TEAD1: variants seen among roughly 807,000 people sequenced by gnomAD.
TEAD1 encodes TEA domain transcription factor 1.
A neutral mutation model predicts 54.9 loss-of-function variants in TEAD1; 9 were observed. The ratio of observed to expected loss-of-function variants is 0.16; its 90% confidence interval spans 0.10 to 0.29. The LOEUF is 0.29. Ranked by LOEUF, TEAD1 falls within the 10% of genes least tolerant of loss-of-function variation. The pLI is 1.00. For synonymous variants in TEAD1, 200 were observed against 187.8 expected, an observed-to-expected ratio of 1.07 and a Z score of -0.53; for missense variants, 387 against 535.9, an observed-to-expected ratio of 0.72 and a Z score of 2.74.
chr11:12,684,491 C>T (rs1221261187), intron 2 of TEAD1, among the ~76,000 whole-genome samples: 1 of 152,172 alleles, frequency 6.6e-6, no homozygotes, highest in Non-Finnish European at 1.5e-5. Flanking sequence ...AAAACCATTG[C>T]ATAATCCCCC....
At chr11:12,724,885 C>A (rs777149899) in intron 2 of TEAD1, among the ~76,000 whole-genome samples, 1 of 152,186 alleles carries the variant, frequency 6.6e-6, no homozygotes, top group Non-Finnish European at 1.5e-5. Context: ...GTTCACCTGG[C>A]GAGGCCTGTG....
chr11:12,789,549 A>C (rs1285205595), intron 3 of TEAD1, among the ~76,000 whole-genome samples: 1 of 152,204 alleles, frequency 6.6e-6, no homozygotes, highest in Non-Finnish European at 1.5e-5. Context: ...GGAGCAGACA[A>C]GAAAGAGTTT....
intron 2 of TEAD1, among the ~76,000 whole-genome samples, chr11:12,748,242 G>A (rs1944791101): frequency 6.6e-6 from 1 of 152,202 alleles, no homozygotes; most frequent in African/African-American, 2.4e-5. Flanking sequence ...GATTACAGGC[G>A]TGAGCCGCTG....
At chr11:12,805,887 C>G (rs543671858) in intron 3 of TEAD1, among the ~76,000 whole-genome samples, 1 of 152,148 alleles carries the variant, frequency 6.6e-6, no homozygotes, top group South Asian at 2.1e-4. Flanking sequence ...TATGATGTTT[C>G]TTTTATTTTT....
intron 10 of TEAD1, among the ~76,000 whole-genome samples, chr11:12,923,813 A>G (rs1948858029): frequency 6.6e-6 from 1 of 152,170 alleles, no homozygotes; most frequent in African/African-American, 2.4e-5. Context: ...CAGAGGCTCA[A>G]CACCTAAACC....
intron 3 of TEAD1, among the ~76,000 whole-genome samples, chr11:12,781,579 T>C (rs748252496): frequency 6.6e-6 from 1 of 151,776 alleles, no homozygotes; most frequent in Non-Finnish European, 1.5e-5. Flanking sequence ...AACCATTAGC[T>C]AGCAGGGAAA....
At chr11:12,906,837 CT>C (rs781752322) in intron 10 of TEAD1, among the ~76,000 whole-genome samples, 4 of 152,238 alleles carry the variant, frequency 2.6e-5, no homozygotes, top group Non-Finnish European at 5.9e-5. Context: ...GAGGTGCATC[CT>C]TTTTATTGTA....
rs148927934 is a variant in TEAD1, at chr11:12,910,501, TAAAG to T, written c.873+8391_873+8394del. Among the ~76,000 whole-genome samples, 718 of 152,244 alleles carry T rather than the reference TAAAG, an allele frequency of 4.7e-3. 8 individuals carry two copies. Among genetic ancestry groups the T allele is most frequent in the African/African-American group, 0.016 (675 of 41,552 alleles). ...TAGTCTTAAACTTTGATTGGAATAATAAAGAAGAAAGCAATATGAAAGTGAAATC... is the reference window on the plus strand; with the variant it reads ...TAGTCTTAAACTTTGATTGGAATAATAAGAAAGCAATATGAAAGTGAAATC... On this transcript the variant is annotated intron_variant, in intron 10 of 12. Coordinates refer to ENST00000527636, the MANE Select transcript of TEAD1 (RefSeq NM_021961.6).
intron 9 of TEAD1, 59 bp from the exon 10 acceptor site, chr11:12,901,881 A>G (rs1948431712): frequency 1.2e-6 from 2 of 1,608,812 alleles, no homozygotes; most frequent in African/African-American, 1.3e-5. Context: ...TTCAAGATGG[A>G]TGAGTTCCAG....
chr11:12,680,419 A>C (rs913819788), intron 2 of TEAD1, among the ~76,000 whole-genome samples: 33 of 152,206 alleles, frequency 2.2e-4, no homozygotes, highest in African/African-American at 6.3e-4. Flanking sequence ...GGCACTTAAG[A>C]ACCGAATTCA....
intron 2 of TEAD1, among the ~76,000 whole-genome samples, chr11:12,729,257 C>G (rs1021663810): frequency 6.6e-6 from 1 of 152,232 alleles, no homozygotes; most frequent in Non-Finnish European, 1.5e-5. Flanking sequence ...CCAGGCCTCT[C>G]TCTTGCTGCT....
At chr11:12,705,174 ATTCGCATATCCTCT>A (rs1356718983) in intron 2 of TEAD1, among the ~76,000 whole-genome samples, 1 of 152,222 alleles carries the variant, frequency 6.6e-6, no homozygotes, top group Non-Finnish European at 1.5e-5. Context: ...CACTCAGGGA[ATTCGCATATCCTCT>A]TTCTTGTGAT....
chr11:12,727,351 G>A (rs1295671189), intron 2 of TEAD1, among the ~76,000 whole-genome samples: 3 of 152,140 alleles, frequency 2.0e-5, no homozygotes, highest in Non-Finnish European at 4.4e-5. Flanking sequence ...TCCATTGTTG[G>A]AGTGAGGGGG....
chr11:12,850,750 T>G (rs1564963325), intron 3 of TEAD1, among the ~76,000 whole-genome samples: 1 of 152,222 alleles, frequency 6.6e-6, no homozygotes, highest in Non-Finnish European at 1.5e-5. Flanking sequence ...CACACTTCTC[T>G]AAGGCCAAAT....
chr11:12,701,232 T>C (rs1003887339), intron 2 of TEAD1, among the ~76,000 whole-genome samples: 1 of 152,178 alleles, frequency 6.6e-6, no homozygotes, highest in African/African-American at 2.4e-5. Context: ...TTTTTTTCTT[T>C]CTTTAAATAA....
At chr11:12,933,718 C>A (rs1590003131) in intron 12 of TEAD1, among the ~76,000 whole-genome samples, 1 of 152,108 alleles carries the variant, frequency 6.6e-6, no homozygotes, top group African/African-American at 2.4e-5. Flanking sequence ...GTGCTAGACC[C>A]TTTGTAAATG....
At chr11:12,749,467 A>G (rs1944819233) in intron 2 of TEAD1, among the ~76,000 whole-genome samples, 1 of 152,120 alleles carries the variant, frequency 6.6e-6, no homozygotes, top group South Asian at 2.1e-4. Context: ...GACCCGTAGA[A>G]AATGTGGATT....
intron 3 of TEAD1, among the ~76,000 whole-genome samples, chr11:12,846,476 G>C (rs903067928): frequency 6.6e-6 from 1 of 152,052 alleles, no homozygotes; most frequent in Admixed American, 6.5e-5. Flanking sequence ...TTCAGGGCCC[G>C]AGCCACATAA....
intron 2 of TEAD1, among the ~76,000 whole-genome samples, chr11:12,687,604 G>A (rs1438677825): frequency 6.6e-6 from 1 of 152,136 alleles, no homozygotes; most frequent in Non-Finnish European, 1.5e-5. Flanking sequence ...AAGATAGATT[G>A]TGACATTGAA....
Sources: allele counts gnomAD v4.1 joint callset (sites outside exome capture counted in the v4.1 genomes callset), GRCh38; gene constraint gnomAD v4.1.1; transcripts MANE v1.5; gene names NCBI Gene and HGNC (gene_info 2026-07-23, HGNC 2026-07-21).